CEP128: variants seen among roughly 807,000 people sequenced by gnomAD.
CEP128 encodes centrosomal protein 128.
A neutral mutation model predicts 156.7 loss-of-function variants in CEP128; 132 were observed. That is an observed-to-expected ratio of 0.84 (90% CI 0.73 to 0.97). CEP128 has a LOEUF of 0.97. Among genes scored for constraint, CEP128 ranks in the 50% least tolerant of loss-of-function variants. CEP128 has a pLI of 0.00. For missense variants in CEP128, 1,252 were observed against 1,281.9 expected, an observed-to-expected ratio of 0.98 and a Z score of 0.36; for synonymous variants, 469 against 448.9, an observed-to-expected ratio of 1.04 and a Z score of -0.57.
rs966913910 is a variant in CEP128, at chr14:80,876,800, C to G, written c.646-13927G>C. Among the ~76,000 whole-genome samples the G allele has an allele frequency of 3.3e-5, 5 of 152,100 alleles. No individual in the cohort carries two copies. In the South Asian group the frequency reaches 8.3e-4, roughly 25 times the overall value. On this transcript the variant is annotated intron_variant, in intron 8 of 24. Transcript: ENST00000555265. ...AGAGAAGATTTTTCACCAAAGCACA[C>G]GCTCTAAAGGAAATTCTAGACGGGA...
At chr14:80,790,030 AC>A (rs1320385204) in intron 14 of CEP128, among the ~76,000 whole-genome samples, 1 of 152,076 alleles carries the variant, frequency 6.6e-6, no homozygotes, top group Non-Finnish European at 1.5e-5. Flanking sequence ...GATCCTTCTT[AC>A]TTTCAACCAT....
In CEP128 at chr14:80,504,474, T is replaced by C. The variant is rs144970599; in HGVS notation, c.3181+438A>G. On this transcript the variant is annotated intron_variant, in intron 24 of 24. Coordinates refer to ENST00000555265, the MANE Select transcript of CEP128 (RefSeq NM_152446.5). ...TACATTGTTGATATTGATGATGACA[T>C]TTATCAAGATTCACAGAGTGAAATC... 5.6e-4 allele frequency among the ~76,000 whole-genome samples: 86 copies of C among 152,338 alleles called. 1 individual carries two copies. In the East Asian group the frequency reaches 0.015, roughly 27 times the overall value.
At chr14:80,737,851 C>G (rs150238749) in intron 19 of CEP128, among the ~76,000 whole-genome samples, 65 of 152,292 alleles carry the variant, frequency 4.3e-4, no homozygotes, top group African/African-American at 1.4e-3. Flanking sequence ...GATGGCGCCA[C>G]TGCACTCCAG....
At chr14:80,922,809 C>A (rs779762975) in intron 2 of CEP128, among the ~76,000 whole-genome samples, 5 of 152,166 alleles carry the variant, frequency 3.3e-5, no homozygotes, top group Non-Finnish European at 2.9e-5. Flanking sequence ...AAAGGAAGAA[C>A]TGCTAAATTT....
intron 19 of CEP128, among the ~76,000 whole-genome samples, chr14:80,614,156 G>T (rs1595090815): frequency 6.6e-6 from 1 of 152,144 alleles, no homozygotes; most frequent in South Asian, 2.1e-4. Flanking sequence ...GAAAAAAATT[G>T]AGGTGGTTAA....
intron 8 of CEP128, among the ~76,000 whole-genome samples, chr14:80,889,305 G>A (rs1256276526): frequency 6.6e-6 from 1 of 152,186 alleles, no homozygotes; most frequent in African/African-American, 2.4e-5. Flanking sequence ...AACCAAAAAA[G>A]AGCCTGCATA....
At chr14:80,627,418 G>A (rs1326728581) in intron 19 of CEP128, among the ~76,000 whole-genome samples, 1 of 152,218 alleles carries the variant, frequency 6.6e-6, no homozygotes, top group East Asian at 1.9e-4. Context: ...GCTCAAAGAT[G>A]TAAGAACGCA....
intron 19 of CEP128, among the ~76,000 whole-genome samples, chr14:80,707,958 G>C (rs991014273): frequency 6.6e-6 from 1 of 151,968 alleles, no homozygotes; most frequent in African/African-American, 2.4e-5. Flanking sequence ...TCAAAAATAG[G>C]TATAGTACCC....
Position 80,904,849 on chromosome 14 carries a change from A to G in CEP128, c.444T>C (p.Gly148=), listed in dbSNP as rs1188725022. The change falls in exon 6 of 25, where the codon GGT becomes GGC. Residue 148 remains glycine, a synonymous_variant. Transcript: ENST00000555265. ...QGIKRMRSRT[G]VRFVQETDDM... Reference sequence around the variant, plus strand: ...CATCAGTCTCTTGAACAAACCGGACACCAGTTCTTGATCTCATTCGTTTAA... The same window carrying G: ...CATCAGTCTCTTGAACAAACCGGACGCCAGTTCTTGATCTCATTCGTTTAA... 4 of 1,609,614 alleles carry G rather than the reference A, an allele frequency of 2.5e-6. No individual in the cohort carries two copies. Among genetic ancestry groups the G allele is most frequent in the Non-Finnish European group, 3.4e-6 (4 of 1,176,040 alleles).
chr14:80,875,928 T>C (rs1178885382), intron 8 of CEP128, among the ~76,000 whole-genome samples: 1 of 152,082 alleles, frequency 6.6e-6, no homozygotes, highest in Non-Finnish European at 1.5e-5. Context: ...TAAGGCTCAA[T>C]TAAATACAAA....
intron 11 of CEP128, among the ~76,000 whole-genome samples, chr14:80,837,440 C>T (rs1886134999): frequency 6.6e-6 from 1 of 151,420 alleles, no homozygotes; most frequent in South Asian, 2.1e-4. Context: ...CCTTATCGGC[C>T]GGGCGTGGTG....
chr14:80,832,115 C>T (rs1170380351), intron 12 of CEP128, among the ~76,000 whole-genome samples: 1 of 152,192 alleles, frequency 6.6e-6, no homozygotes, highest in East Asian at 1.9e-4. Flanking sequence ...CTATTCCCTG[C>T]CACCACGTAA....
intron 16 of CEP128, among the ~76,000 whole-genome samples, chr14:80,765,730 T>G (rs1900204725): frequency 6.6e-6 from 1 of 151,924 alleles, no homozygotes; most frequent in South Asian, 2.1e-4. Context: ...AATGGCTGAG[T>G]TTGAGAAAGA....
chr14:80,781,793 A>C lies in CEP128; in HGVS notation c.2211+3102T>G, dbSNP rs528668021. Among the ~76,000 whole-genome samples the C allele has an allele frequency of 2.0e-5, 3 of 152,322 alleles. No individual in the cohort carries two copies. In the East Asian group the frequency reaches 5.8e-4, roughly 29 times the overall value. ...TGCCAATGTATCCATGAGCAAATGC[A>C]GTTACTATTTCTCACTGAAGAATGC... On this transcript the variant is annotated intron_variant, in intron 15 of 24. Transcript: ENST00000555265.
At position 80,785,168 on chromosome 14, in the gene CEP128, A is replaced by G. The variant is rs1428794216; in HGVS notation, c.1938T>C (p.Asp646=). The G allele has an allele frequency of 6.2e-7, 1 of 1,614,042 alleles. No homozygotes were observed. Among genetic ancestry groups the G allele is most frequent in the Non-Finnish European group, 8.5e-7 (1 of 1,180,018 alleles). The change falls in exon 15 of 25, where the codon GAT becomes GAC. Residue 646 remains aspartate (D), a synonymous_variant. Transcript: ENST00000555265. The stretch of plus-strand genomic sequence containing the variant: ...CTTCCTCAGCCAATTTATTAGCAAG[A>G]TCTGCTCGGATGGCACTCAGGTCCT... ...SIKDLSAIRA[D]LANKLAEEER...
At chr14:80,599,216 G>A (rs1314619933) in intron 19 of CEP128, among the ~76,000 whole-genome samples, 1 of 149,234 alleles carries the variant, frequency 6.7e-6, no homozygotes, top group Non-Finnish European at 1.5e-5. Flanking sequence ...CTCAACACTT[G>A]CCCTTCCTTG....
intron 4 of CEP128, among the ~76,000 whole-genome samples, chr14:80,907,179 G>C (rs1883932831): frequency 6.6e-6 from 1 of 152,056 alleles, no homozygotes; most frequent in Admixed American, 6.6e-5. Context: ...CTGGCTATTT[G>C]GATTTGGCTG....
chr14:80,558,510 G>A (rs927685013), intron 21 of CEP128, among the ~76,000 whole-genome samples: 3 of 152,060 alleles, frequency 2.0e-5, no homozygotes, highest in Non-Finnish European at 2.9e-5. Flanking sequence ...GGATGGTCTC[G>A]ATCTCCTGAC....
chr14:80,628,233 A>G (rs749949453), intron 19 of CEP128, among the ~76,000 whole-genome samples: 4 of 152,200 alleles, frequency 2.6e-5, no homozygotes, highest in African/African-American at 9.6e-5. Context: ...GTTATCCTAA[A>G]TAGTGAAATG....
Sources: allele counts gnomAD v4.1 joint callset (sites outside exome capture counted in the v4.1 genomes callset), GRCh38; gene constraint gnomAD v4.1.1; transcripts MANE v1.5; gene names NCBI Gene and HGNC (gene_info 2026-07-23, HGNC 2026-07-21).